Variants in TTC7B observed in about 807,000 individuals in gnomAD.
TTC7B encodes the protein tetratricopeptide repeat protein 7B.
TTC7B carries 28 observed loss-of-function variants against 106.8 expected under a neutral mutation model. The ratio of observed to expected loss-of-function variants is 0.26; its 90% confidence interval spans 0.19 to 0.36. The LOEUF is 0.36. Ranked by LOEUF, TTC7B falls within the 10% of genes least tolerant of loss-of-function variation. TTC7B has a pLI of 1.00. For missense variants in TTC7B, 862 were observed against 1,076.4 expected, an observed-to-expected ratio of 0.80 and a Z score of 2.79; for synonymous variants, 405 against 430.6, an observed-to-expected ratio of 0.94 and a Z score of 0.74.
chr14:90,674,555 C>T (rs1595269455), intron 9 of TTC7B, among the ~76,000 whole-genome samples: 1 of 152,384 alleles, frequency 6.6e-6, no homozygotes, highest in East Asian at 1.9e-4. Flanking sequence ...TCACACCTGG[C>T]AGCTCCAGGC....
In TTC7B at chr14:90,529,497, A is replaced by G. The variant is rs959791793; in HGVS notation, c.*11871T>C. On this transcript the variant is annotated 3_prime_UTR_variant, in exon 20 of 20. Coordinates refer to ENST00000328459, the MANE Select transcript of TTC7B (RefSeq NM_001010854.2). The stretch of plus-strand genomic sequence containing the variant: ...CTGCCTATCCGAATTCTACCCTAAG[A>G]TAGATAATCAGAGATGCTAGGAGAA... 2 of 152,230 alleles carry G rather than the reference A, an allele frequency of 1.3e-5. No individual in the cohort carries two copies. Among genetic ancestry groups the G allele is most frequent in the Non-Finnish European group, 2.9e-5 (2 of 68,056 alleles). The allele number at this position is 152,230 out of a possible 1,614,324, so 9.4% of individuals were successfully genotyped here. A position where few individuals can be genotyped will look rare whatever the true frequency, so the allele number is the denominator to read the frequency against.
At chr14:90,761,977 G>C (rs1890516562) in intron 3 of TTC7B, among the ~76,000 whole-genome samples, 1 of 152,198 alleles carries the variant, frequency 6.6e-6, no homozygotes, top group Non-Finnish European at 1.5e-5. Flanking sequence ...AAAGGGAATT[G>C]AATGTATGGA....
rs1330635628 is a variant in TTC7B at position 90,534,278 on chromosome 14, G to C, written c.*7090C>G. On this transcript the variant is annotated 3_prime_UTR_variant, in exon 20 of 20. Transcript: ENST00000328459. ...AAATGCATGACCACAAGTGTGGGAG[G>C]AATGTTAGTGGCGGGAACGGCCGCA... 1 of 152,380 alleles carries C rather than the reference G, an allele frequency of 6.6e-6. No homozygotes were observed. The highest frequency in any genetic ancestry group is 1.5e-5 in the Non-Finnish European group (1 of 68,146). The allele number at this position is 152,380 out of a possible 1,614,324, so 9.4% of individuals were successfully genotyped here. A position where few individuals can be genotyped will look rare whatever the true frequency, so the allele number is the denominator to read the frequency against.
At chr14:90,736,711 C>T (rs1889543896) in intron 4 of TTC7B, among the ~76,000 whole-genome samples, 1 of 151,642 alleles carries the variant, frequency 6.6e-6, no homozygotes, top group South Asian at 2.1e-4. Flanking sequence ...AAAGTGAGAA[C>T]CTGTCTACAA....
chr14:90,792,299 G>C (rs1198524763), intron 1 of TTC7B, among the ~76,000 whole-genome samples: 1 of 152,138 alleles, frequency 6.6e-6, no homozygotes, highest in Non-Finnish European at 1.5e-5. Context: ...ACTGGGGGCA[G>C]GGTGCGGTGG....
At chr14:90,622,868 T>C (rs1659627557) in intron 15 of TTC7B, among the ~76,000 whole-genome samples, 1 of 152,200 alleles carries the variant, frequency 6.6e-6, no homozygotes, top group South Asian at 2.1e-4. Context: ...TTTCATACAA[T>C]GCCTTTGCGG....
chr14:90,705,147 CAG>C (rs1481756271), intron 5 of TTC7B, among the ~76,000 whole-genome samples: 2 of 152,208 alleles, frequency 1.3e-5, no homozygotes, highest in Non-Finnish European at 2.9e-5. Context: ...TTCTTCAGGA[CAG>C]AGACTGGGTC....
intron 7 of TTC7B, among the ~76,000 whole-genome samples, chr14:90,682,003 T>C (rs888573398): frequency 9.9e-5 from 15 of 152,232 alleles, no homozygotes; most frequent in Admixed American, 2.0e-4. Flanking sequence ...ACATGAACCA[T>C]TGTGTGTATG....
At chr14:90,680,618 C>T (rs1313968456) in intron 7 of TTC7B, 83 bp from the exon 8 acceptor site, 12 of 996,168 alleles carry the variant, frequency 1.2e-5, no homozygotes, top group Non-Finnish European at 1.7e-5. Flanking sequence ...TAAAAGCTTC[C>T]AGAATTTTAT....
At chr14:90,780,084 C>T (rs1891157888) in intron 3 of TTC7B, among the ~76,000 whole-genome samples, 1 of 152,104 alleles carries the variant, frequency 6.6e-6, no homozygotes, top group South Asian at 2.1e-4. Context: ...TACTACTTAT[C>T]AAGAAACTTT....
chr14:90,772,765 A>T (rs1890905759), intron 3 of TTC7B: 1 of 152,270 alleles, frequency 6.6e-6, no homozygotes, highest in Admixed American at 6.5e-5. Flanking sequence ...TGAGTTCAGG[A>T]GTTCGGGACC....
intron 16 of TTC7B, among the ~76,000 whole-genome samples, chr14:90,617,517 T>G (rs1893134357): frequency 6.6e-6 from 1 of 152,224 alleles, no homozygotes. Context: ...CTTAGTAGCA[T>G]GCGGCCTGAT....
rs1336173436 is a variant in TTC7B, at chr14:90,649,706, A to G, written c.1518-2683T>C. On this transcript the variant is annotated intron_variant, in intron 13 of 19. Coordinates refer to ENST00000328459, the MANE Select transcript of TTC7B (RefSeq NM_001010854.2). ...TGAAGAAGAACCCACTCATCCTTTT[A>G]TCCACTTACCCACCCATCCACCCAG... Among the ~76,000 whole-genome samples the G allele has an allele frequency of 3.9e-5, 6 of 152,076 alleles. No individual in the cohort carries two copies. The East Asian group carries it at 1.2e-3, about 29-fold the overall frequency.
intron 3 of TTC7B, among the ~76,000 whole-genome samples, chr14:90,755,717 T>C (rs1192588646): frequency 6.6e-6 from 1 of 152,118 alleles, no homozygotes; most frequent in Non-Finnish European, 1.5e-5. Context: ...TCTGGGCTTC[T>C]GACAGACCTG....
intron 15 of TTC7B, among the ~76,000 whole-genome samples, chr14:90,629,060 C>T (rs1286449): frequency 0.024 from 3,703 of 152,352 alleles, 139 homozygotes; most frequent in African/African-American, 0.084. Flanking sequence ...TGGCACCATG[C>T]CTGGCTGAAA....
rs761117041 is a variant in TTC7B, at chr14:90,535,063, G to A, written c.*6305C>T. On this transcript the variant is annotated 3_prime_UTR_variant, in exon 20 of 20. Transcript: ENST00000328459. ...ACAGGTAGGGGGCATGGAGGATAAC[G>A]GGAGGCCTTGGTTCCCTCCTTTCCC... 121 of 152,514 alleles carry A rather than the reference G, an allele frequency of 7.9e-4. 1 individual carries two copies. The highest frequency in any genetic ancestry group is 2.9e-4 in the Non-Finnish European group (20 of 68,220). The allele number at this position is 152,514 out of a possible 1,614,324, so 9.4% of individuals were successfully genotyped here. A position where few individuals can be genotyped will look rare whatever the true frequency, so the allele number is the denominator to read the frequency against.
At position 90,740,626 on chromosome 14, in the gene TTC7B, C is replaced by T. The variant is rs775915942; in HGVS notation, c.576+4166G>A. ...ATGCGATTCTCCTGCCTCAGTCTCC[C>T]GAGTAGCTGGTATTACAGGCTCCTG... On this transcript the variant is annotated intron_variant, in intron 4 of 19. Coordinates refer to ENST00000328459, the MANE Select transcript of TTC7B (RefSeq NM_001010854.2). Among the ~76,000 whole-genome samples the T allele has an allele frequency of 1.2e-3, 185 of 151,310 alleles. 2 individuals carry two copies. Among genetic ancestry groups the T allele is most frequent in the Non-Finnish European group, 1.9e-3 (128 of 67,862 alleles).
At chr14:90,801,876 C>T (rs930457609) in intron 1 of TTC7B, among the ~76,000 whole-genome samples, 4 of 152,064 alleles carry the variant, frequency 2.6e-5, no homozygotes, top group Non-Finnish European at 4.4e-5. Context: ...GCCTGGCCAA[C>T]ATGGTGAAAC....
intron 16 of TTC7B, among the ~76,000 whole-genome samples, chr14:90,611,398 G>A (rs1487032426): frequency 6.6e-6 from 1 of 152,180 alleles, no homozygotes; most frequent in East Asian, 1.9e-4. Flanking sequence ...GTTCTAAGGT[G>A]CAGCTGCTGG....
Sources: gnomAD v4.1 joint callset for allele counts (sites outside exome capture counted in the v4.1 genomes callset) on GRCh38, gnomAD v4.1.1 for gene constraint, MANE v1.5 for transcripts, NCBI Gene and HGNC (gene_info 2026-07-23, HGNC 2026-07-21) for gene names.